The following PARD3 variants were observed in gnomAD, a reference collection of about 807,000 sequenced individuals.
PARD3 encodes the protein partitioning defective 3 homolog.
PARD3 carries 75 observed loss-of-function variants against 155.4 expected under a neutral mutation model. That is an observed-to-expected ratio of 0.48 (90% CI 0.40 to 0.58). The LOEUF (loss-of-function observed/expected upper bound fraction) is 0.58, where lower values mean the gene tolerates loss of function less well. Ranked by LOEUF, PARD3 falls within the 20% of genes least tolerant of loss-of-function variation. PARD3 has a pLI of 0.00. For missense variants in PARD3, 1,642 were observed against 1,721.7 expected (o/e 0.95, Z 0.82); for synonymous variants, 576 against 610.5 (o/e 0.94, Z 0.83).
intron 1 of PARD3, among the ~76,000 whole-genome samples, chr10:34,717,270 T>C (rs1464141653): frequency 1.3e-5 from 2 of 151,892 alleles, no homozygotes; most frequent in African/African-American, 2.4e-5. Context: ...AATGAGGGAG[T>C]TGGATGGTCT....
intron 2 of PARD3, among the ~76,000 whole-genome samples, chr10:34,541,945 T>C (rs1378686374): frequency 1.3e-5 from 2 of 152,044 alleles, no homozygotes; most frequent in Non-Finnish European, 2.9e-5. Context: ...GGCATGATCA[T>C]GGCTCCCTGC....
At chr10:34,684,400 G>A (rs765693466) in intron 2 of PARD3, among the ~76,000 whole-genome samples, 4 of 152,054 alleles carry the variant, frequency 2.6e-5, no homozygotes, top group Non-Finnish European at 4.4e-5. Flanking sequence ...TTTATCTACG[G>A]TTAGTCCCAA....
chr10:34,148,276 C>T (rs147052222), intron 22 of PARD3, among the ~76,000 whole-genome samples: 21 of 152,246 alleles, frequency 1.4e-4, no homozygotes, highest in African/African-American at 5.1e-4. Context: ...AAATATTAGC[C>T]ACGTTTGCAC....
chr10:34,470,049 G>T (rs150161748), intron 4 of PARD3, 36 bp downstream of exon 4: 1 of 1,534,092 alleles, frequency 6.5e-7, no homozygotes, highest in Non-Finnish European at 8.8e-7. Flanking sequence ...AGTCAGGAGG[G>T]GCAAGAGACA....
intron 22 of PARD3, among the ~76,000 whole-genome samples, chr10:34,188,277 G>A (rs998208997): frequency 2.6e-5 from 4 of 152,196 alleles, no homozygotes; most frequent in Admixed American, 6.5e-5. Flanking sequence ...CTTGAACACA[G>A]TCCTAAGTAA....
intron 2 of PARD3, among the ~76,000 whole-genome samples, chr10:34,681,752 ATATATATATATATATATTTTTTTTTT>A (rs1479108329): frequency 4.0e-3 from 77 of 19,162 alleles, no homozygotes; most frequent in African/African-American, 7.7e-3. Context: ...ATATATATAT[ATATATATATATATATATTTTTTTTTT>A]TTTTTTTTTT....
intron 22 of PARD3, among the ~76,000 whole-genome samples, chr10:34,194,890 C>A (rs780640402): frequency 3.3e-5 from 5 of 152,096 alleles, no homozygotes; most frequent in Non-Finnish European, 7.4e-5. Flanking sequence ...CATGTATTAG[C>A]AAAAGTAAAA....
intron 5 of PARD3, among the ~76,000 whole-genome samples, chr10:34,447,857 G>A (rs1328244826): frequency 1.3e-5 from 2 of 151,634 alleles, no homozygotes; most frequent in Non-Finnish European, 2.9e-5. Context: ...AGGATGCGAA[G>A]AGAAGGAAAC....
At chr10:34,526,410 G>A (rs1722156187) in intron 2 of PARD3, among the ~76,000 whole-genome samples, 1 of 152,186 alleles carries the variant, frequency 6.6e-6, no homozygotes, top group East Asian at 1.9e-4. Context: ...CTGCCAATGT[G>A]AATGCACAAC....
Position 34,109,873 on chromosome 10 carries a change from G to T in PARD3, c.*1296C>A, listed in dbSNP as rs2132611870. The T allele has an allele frequency of 6.6e-6, 1 of 151,588 alleles. No homozygotes were observed. Among genetic ancestry groups the T allele is most frequent in the Non-Finnish European group, 1.5e-5 (1 of 67,874 alleles). The allele number at this position is 151,588 out of a possible 1,614,324, so 9.4% of individuals were successfully genotyped here. On this transcript the variant is annotated 3_prime_UTR_variant, in exon 25 of 25. Transcript: ENST00000374788. ...TTTCTGTTTTTAAAGTAAATACATG[G>T]TATGCTGAGCTTTCACCTCCAGCTT...
Position 34,486,680 on chromosome 10 carries a change from G to A in PARD3, c.404-16417C>T, listed in dbSNP as rs180750308. Among the ~76,000 whole-genome samples, 8 of 152,274 alleles carry A rather than the reference G, an allele frequency of 5.3e-5. No individual in the cohort carries two copies. In the East Asian group the frequency reaches 1.4e-3, roughly 26 times the overall value. On this transcript the variant is annotated intron_variant, in intron 3 of 24. Transcript: ENST00000374788. ...GTTGATGTGCACAGAAACCACCTAG[G>A]AATCTTGTTAAAGAGCTTCAGTAGG...
At chr10:34,115,534 T>G (rs1946620269) in intron 24 of PARD3, among the ~76,000 whole-genome samples, 1 of 152,136 alleles carries the variant, frequency 6.6e-6, no homozygotes, top group Non-Finnish European at 1.5e-5. Flanking sequence ...GTAGGTATAG[T>G]TAATAACAGA....
At chr10:34,725,153 C>CTGTGTGTGTGTG (rs2094684170) in intron 1 of PARD3, among the ~76,000 whole-genome samples, 19 of 127,548 alleles carry the variant, frequency 1.5e-4, no homozygotes, top group African/African-American at 6.0e-4. Context: ...GTGTGTGTGA[C>CTGTGTGTGTGTG]AGAGAGAGAG....
At chr10:34,812,306 C>T (rs76337648) in intron 1 of PARD3, among the ~76,000 whole-genome samples, 2,792 of 152,186 alleles carry the variant, frequency 0.018, 91 homozygotes, top group African/African-American at 0.064. Flanking sequence ...ACATGATCTG[C>T]CCACACTTTT....
intron 19 of PARD3, among the ~76,000 whole-genome samples, chr10:34,329,916 A>G (rs1019214428): frequency 1.3e-5 from 2 of 152,160 alleles, no homozygotes; most frequent in African/African-American, 2.4e-5. Context: ...GTATATATAC[A>G]TATACATTAT....
At chr10:34,756,530 G>A (rs1836769671) in intron 1 of PARD3, among the ~76,000 whole-genome samples, 1 of 142,154 alleles carries the variant, frequency 7.0e-6, no homozygotes, top group African/African-American at 2.6e-5. Context: ...CTGTGGCGTA[G>A]TGGTAGTCCT....
At chr10:34,239,151 G>T (rs1193081664) in intron 22 of PARD3, among the ~76,000 whole-genome samples, 1 of 152,188 alleles carries the variant, frequency 6.6e-6, no homozygotes, top group African/African-American at 2.4e-5. Context: ...TTTATTTAAG[G>T]TCATGTGAAT....
chr10:34,299,965 C>T (rs562916706), intron 20 of PARD3, among the ~76,000 whole-genome samples: 127 of 152,324 alleles, frequency 8.3e-4, no homozygotes, highest in African/African-American at 2.9e-3. Flanking sequence ...TAAGTCTACA[C>T]TTTCCTGGGA....
chr10:34,138,253 C>T (rs1039961623), intron 22 of PARD3, among the ~76,000 whole-genome samples: 6 of 152,340 alleles, frequency 3.9e-5, no homozygotes, highest in Admixed American at 3.9e-4. Context: ...CTGAAAAATG[C>T]TCACTGCCAG....
Sources: allele counts gnomAD v4.1 joint callset (sites outside exome capture counted in the v4.1 genomes callset), GRCh38; gene constraint gnomAD v4.1.1; transcripts MANE v1.5; gene names NCBI Gene and HGNC (gene_info 2026-07-23, HGNC 2026-07-21).